Variants in GRID2 observed in about 807,000 individuals in gnomAD.
GRID2 encodes glutamate ionotropic receptor delta type subunit 2.
In GRID2, 33 loss-of-function variants were observed where a neutral mutation model predicts 114.8. The ratio of observed to expected loss-of-function variants is 0.29; its 90% confidence interval spans 0.22 to 0.38. The LOEUF is 0.38. Among genes scored for constraint, GRID2 ranks in the 10% least tolerant of loss-of-function variants. The pLI is 1.00. For missense variants in GRID2, 1,184 were observed against 1,257.7 expected, an observed-to-expected ratio of 0.94 and a Z score of 0.89; for synonymous variants, 505 against 449.9, an observed-to-expected ratio of 1.12 and a Z score of -1.55.
intron 13 of GRID2, among the ~76,000 whole-genome samples, chr4:93,589,923 G>C (rs1458541661): frequency 6.6e-6 from 1 of 150,618 alleles, no homozygotes; most frequent in Non-Finnish European, 1.5e-5. Flanking sequence ...TTGTAAATTT[G>C]TTTGAGTTCA....
chr4:93,683,333 A>G (rs866797647), intron 14 of GRID2, among the ~76,000 whole-genome samples: 1 of 152,064 alleles, frequency 6.6e-6, no homozygotes, highest in East Asian at 1.9e-4. Context: ...TAAATACAAC[A>G]TAGCAGATGC....
At chr4:92,640,786 T>A (rs1307384648) in intron 2 of GRID2, among the ~76,000 whole-genome samples, 1 of 151,872 alleles carries the variant, frequency 6.6e-6, no homozygotes, top group African/African-American at 2.4e-5. Context: ...CTCTACCAGG[T>A]TATTGCAAGC....
At chr4:93,369,652 C>A (rs1440396857) in intron 8 of GRID2, among the ~76,000 whole-genome samples, 2 of 152,048 alleles carry the variant, frequency 1.3e-5, no homozygotes, top group Non-Finnish European at 2.9e-5. Context: ...CCACACACAG[C>A]TAATATTTCA....
intron 1 of GRID2, among the ~76,000 whole-genome samples, chr4:92,415,710 A>ATG (rs113594102): frequency 0.012 from 1,285 of 107,498 alleles, 22 homozygotes; most frequent in African/African-American, 0.034. Flanking sequence ...ATGCGCATGT[A>ATG]TGTGTGTGTG....
intron 13 of GRID2, among the ~76,000 whole-genome samples, chr4:93,553,266 A>G (rs1239019569): frequency 6.6e-6 from 1 of 152,020 alleles, no homozygotes; most frequent in Non-Finnish European, 1.5e-5. Flanking sequence ...AGCACTCCTA[A>G]TTCTCCACAT....
chr4:93,237,801 A>T (rs1471326522), intron 7 of GRID2, among the ~76,000 whole-genome samples: 1 of 151,864 alleles, frequency 6.6e-6, no homozygotes, highest in Non-Finnish European at 1.5e-5. Flanking sequence ...ACCCGTTAAG[A>T]GCAAAAACAG....
intron 11 of GRID2, among the ~76,000 whole-genome samples, chr4:93,480,931 T>C (rs987764343): frequency 9.1e-6 from 1 of 109,948 alleles, no homozygotes; most frequent in African/African-American, 2.7e-5. Context: ...GGAGGTTGTA[T>C]ATAGGTTATT....
chr4:93,165,193 C>T (rs1456286805), intron 4 of GRID2, among the ~76,000 whole-genome samples: 1 of 152,006 alleles, frequency 6.6e-6, no homozygotes, highest in Non-Finnish European at 1.5e-5. Context: ...GATATCACAT[C>T]AACTGTTAGT....
chr4:93,414,673 CCAT>C (rs1767526404), intron 9 of GRID2, among the ~76,000 whole-genome samples: 1 of 125,384 alleles, frequency 8.0e-6, no homozygotes, highest in African/African-American at 3.4e-5. Context: ...CCTATCATCA[CCAT>C]CTGACATTTT....
intron 10 of GRID2, among the ~76,000 whole-genome samples, chr4:93,434,514 T>C (rs1022652236): frequency 6.6e-6 from 1 of 152,128 alleles, no homozygotes; most frequent in Non-Finnish European, 1.5e-5. Flanking sequence ...TCATCCCTTT[T>C]TAATTTTGTC....
At chr4:93,581,340 A>T (rs1343869840) in intron 13 of GRID2, among the ~76,000 whole-genome samples, 1 of 152,194 alleles carries the variant, frequency 6.6e-6, no homozygotes, top group Non-Finnish European at 1.5e-5. Flanking sequence ...AAGTGAAAAA[A>T]GTAGAAAGAG....
At chr4:93,354,619 C>G (rs760925404) in intron 8 of GRID2, among the ~76,000 whole-genome samples, 1 of 150,196 alleles carries the variant, frequency 6.7e-6, no homozygotes, top group East Asian at 2.0e-4. Flanking sequence ...TTTTAAACTA[C>G]GCTAAAGTAG....
intron 1 of GRID2, among the ~76,000 whole-genome samples, chr4:92,345,034 C>G (rs2110170867): frequency 6.6e-6 from 1 of 152,314 alleles, no homozygotes; most frequent in South Asian, 2.1e-4. Context: ...ATCCCTCACC[C>G]TCCTTTCAGC....
At chr4:92,776,350 T>C (rs1738792845) in intron 2 of GRID2, among the ~76,000 whole-genome samples, 1 of 152,148 alleles carries the variant, frequency 6.6e-6, no homozygotes, top group Non-Finnish European at 1.5e-5. Context: ...TGCTCACTGC[T>C]ACTCAAAGAA....
chr4:92,324,725 T>C (rs1197675883), intron 1 of GRID2, among the ~76,000 whole-genome samples: 4 of 151,922 alleles, frequency 2.6e-5, no homozygotes, highest in Admixed American at 1.3e-4. Context: ...ATCTCTATGA[T>C]TTATTCAAAT....
rs7435581 is a variant in GRID2, at chr4:93,078,779, G to A, written c.245-6216G>A. On this transcript the variant is annotated intron_variant, in intron 2 of 15. Coordinates refer to ENST00000282020, the MANE Select transcript of GRID2 (RefSeq NM_001510.4). ...TATAATTATATTATATTTATATACT[G>A]TATATACTAAATATAATTATATTTA... 4.3e-3 allele frequency among the ~76,000 whole-genome samples: 543 copies of A among 127,684 alleles called. 10 individuals carry two copies. Among genetic ancestry groups the A allele is most frequent in the African/African-American group, 0.014 (489 of 34,538 alleles). 83.8% of individuals were successfully genotyped at this position (127,684 alleles called of 152,430 possible). A position where few individuals can be genotyped will look rare whatever the true frequency, so the allele number is the denominator to read the frequency against.
rs1400668512 is a variant in GRID2 at position 93,593,289 on chromosome 4, T to G, written c.2194-32980T>G. Among the ~76,000 whole-genome samples the G allele has an allele frequency of 4.2e-5, 6 of 144,356 alleles. No homozygotes were observed. In the East Asian group the frequency reaches 1.2e-3, roughly 29 times the overall value. The allele number at this position is 144,356 out of a possible 152,430, so 94.7% of individuals were successfully genotyped here. On this transcript the variant is annotated intron_variant, in intron 13 of 15. Coordinates refer to ENST00000282020, the MANE Select transcript of GRID2 (RefSeq NM_001510.4). ...TTTCAGCATTTGCTTGTCTGTAAAG[T>G]ATTTTATTTCTCCTTCACTTATGAA...
intron 2 of GRID2, among the ~76,000 whole-genome samples, chr4:92,755,535 G>T (rs940203357): frequency 6.6e-6 from 1 of 152,124 alleles, no homozygotes; most frequent in East Asian, 1.9e-4. Flanking sequence ...GGAACGCAAA[G>T]TGAGTTAAGC....
At chr4:92,722,564 TTAAC>T (rs1735861559) in intron 2 of GRID2, among the ~76,000 whole-genome samples, 1 of 152,116 alleles carries the variant, frequency 6.6e-6, no homozygotes, top group East Asian at 1.9e-4. Flanking sequence ...AAAGAAGATA[TTAAC>T]TAAGTGTGGC....
Sources: gnomAD v4.1 joint callset for allele counts (sites outside exome capture counted in the v4.1 genomes callset) on GRCh38, gnomAD v4.1.1 for gene constraint, MANE v1.5 for transcripts, NCBI Gene and HGNC (gene_info 2026-07-23, HGNC 2026-07-21) for gene names.